Variants in NELL1 observed in about 807,000 individuals in gnomAD.
NELL1 encodes the protein neural EGFL like 1.
A neutral mutation model predicts 107.4 loss-of-function variants in NELL1; 76 were observed. The observed-to-expected ratio is 0.71, with a 90% CI of 0.59 to 0.86. NELL1 has a LOEUF of 0.86. Ranked by LOEUF, NELL1 falls within the 40% of genes least tolerant of loss-of-function variation. The probability of loss-of-function intolerance (pLI) is 0.00; values close to 1 mark genes in which losing one functional copy is unlikely to be tolerated. For missense variants in NELL1, 1,024 were observed against 1,005.5 expected (o/e 1.02, Z -0.25); for synonymous variants, 353 against 341.2 (o/e 1.03, Z -0.38).
At chr11:21,382,309 A>G (rs925424188) in intron 15 of NELL1, among the ~76,000 whole-genome samples, 1 of 151,968 alleles carries the variant, frequency 6.6e-6, no homozygotes, top group Non-Finnish European at 1.5e-5. Context: ...TTGCAAACAT[A>G]GTTTAGTACC....
chr11:20,850,016 AAG>A (rs1283905760), intron 4 of NELL1, among the ~76,000 whole-genome samples: 1 of 152,192 alleles, frequency 6.6e-6, no homozygotes, highest in African/African-American at 2.4e-5. Context: ...CTGGTTTAGA[AAG>A]AGGGGAAGGA....
At chr11:20,984,743 G>A (rs944386214) in intron 12 of NELL1, among the ~76,000 whole-genome samples, 7 of 151,846 alleles carry the variant, frequency 4.6e-5, no homozygotes, top group South Asian at 2.1e-4. Flanking sequence ...GAATCATATG[G>A]CACCTTAATG....
chr11:21,334,767 A>G (rs543642082), intron 14 of NELL1, among the ~76,000 whole-genome samples: 2 of 152,098 alleles, frequency 1.3e-5, no homozygotes, highest in South Asian at 4.1e-4. Flanking sequence ...AGTAACTGCA[A>G]TTGTGTAGAT....
At chr11:21,050,130 C>G (rs1027379175) in intron 12 of NELL1, among the ~76,000 whole-genome samples, 2 of 152,130 alleles carry the variant, frequency 1.3e-5, no homozygotes, top group African/African-American at 2.4e-5. Flanking sequence ...ATATAATTAT[C>G]TGCCTTTGTC....
intron 14 of NELL1, among the ~76,000 whole-genome samples, chr11:21,344,179 C>A (rs1850635271): frequency 6.6e-6 from 1 of 152,166 alleles, no homozygotes; most frequent in Non-Finnish European, 1.5e-5. Context: ...TTCCTTGAAA[C>A]CAGCCAGTGT....
chr11:20,872,973 C>T (rs1173606202), intron 4 of NELL1, among the ~76,000 whole-genome samples: 1 of 152,056 alleles, frequency 6.6e-6, no homozygotes, highest in Admixed American at 6.6e-5. Flanking sequence ...GATCAGAAGA[C>T]CTTCAATGTC....
At chr11:21,474,975 A>C (rs1854287345) in intron 15 of NELL1, among the ~76,000 whole-genome samples, 1 of 152,154 alleles carries the variant, frequency 6.6e-6, no homozygotes, top group African/African-American at 2.4e-5. Context: ...CAGAACTGGA[A>C]GGCATCTTAG....
In NELL1 at chr11:21,227,322, G is replaced by A. The variant is rs575280001; in HGVS notation, c.1427-2010G>A. Among the ~76,000 whole-genome samples, 21 of 152,090 alleles carry A rather than the reference G, an allele frequency of 1.4e-4. No homozygotes were observed. In the South Asian group the frequency reaches 4.4e-3, roughly 32 times the overall value. On this transcript the variant is annotated intron_variant, in intron 13 of 19. Transcript: ENST00000357134. ...TTATCCCAGTGTAATTATTAGTAGA[G>A]CACCCTTTCATTCTAAAATATGTTC...
intron 16 of NELL1, 134 bp downstream of exon 16, chr11:21,534,648 C>A: frequency 1.1e-6 from 1 of 940,184 alleles, no homozygotes; most frequent in Non-Finnish European, 1.6e-6. Context: ...TTCAAATTTT[C>A]TCCCTCTACA....
chr11:21,076,479 GA>G (rs1473778477), intron 12 of NELL1, among the ~76,000 whole-genome samples: 1 of 152,216 alleles, frequency 6.6e-6, no homozygotes, highest in African/African-American at 2.4e-5. Flanking sequence ...GTTAAAGAAG[GA>G]AGTTAAACTC....
intron 3 of NELL1, among the ~76,000 whole-genome samples, chr11:20,784,704 C>T (rs1295314464): frequency 6.6e-6 from 1 of 152,166 alleles, no homozygotes. Flanking sequence ...GTAACCTAAA[C>T]AATTTTATTT....
chr11:21,364,856 T>C (rs1040714759), intron 14 of NELL1, among the ~76,000 whole-genome samples: 2 of 152,218 alleles, frequency 1.3e-5, no homozygotes, highest in Admixed American at 1.3e-4. Context: ...GATTCTAAAA[T>C]GCTCCTGCTT....
At chr11:21,154,126 G>A (rs1856179012) in intron 13 of NELL1, among the ~76,000 whole-genome samples, 1 of 152,164 alleles carries the variant, frequency 6.6e-6, no homozygotes, top group African/African-American at 2.4e-5. Context: ...TGTGCTGAAA[G>A]GTTTGATTGA....
intron 2 of NELL1, among the ~76,000 whole-genome samples, chr11:20,733,579 G>A (rs923985922): frequency 6.6e-6 from 1 of 152,052 alleles, no homozygotes; most frequent in African/African-American, 2.4e-5. Context: ...TGGTAAGAGT[G>A]GTCCATATGT....
intron 2 of NELL1, among the ~76,000 whole-genome samples, chr11:20,755,355 C>A (rs1856236427): frequency 6.6e-6 from 1 of 152,146 alleles, no homozygotes; most frequent in South Asian, 2.1e-4. Context: ...TGCTCCTTCA[C>A]TGAATGTTAG....
chr11:21,112,043 T>G (rs1258986989), intron 12 of NELL1, among the ~76,000 whole-genome samples: 1 of 152,090 alleles, frequency 6.6e-6, no homozygotes, highest in Non-Finnish European at 1.5e-5. Context: ...GGTCTGACTG[T>G]AATAATTCCT....
intron 2 of NELL1, among the ~76,000 whole-genome samples, chr11:20,705,156 A>G (rs1854909996): frequency 6.6e-6 from 1 of 152,178 alleles, no homozygotes; most frequent in East Asian, 1.9e-4. Flanking sequence ...GAAATGGAAA[A>G]AACTACTTTA....
chr11:21,296,312 A>C (rs1849375455), intron 14 of NELL1, among the ~76,000 whole-genome samples: 1 of 151,884 alleles, frequency 6.6e-6, no homozygotes, highest in African/African-American at 2.4e-5. Context: ...AAGACCAAAA[A>C]ACCCCCTCTC....
chr11:21,076,182 G>A (rs375220375), intron 12 of NELL1, among the ~76,000 whole-genome samples: 2 of 152,206 alleles, frequency 1.3e-5, no homozygotes, highest in African/African-American at 4.8e-5. Flanking sequence ...CAGGCTCAAC[G>A]CCTTCAGTGT....
Sources: allele counts gnomAD v4.1 joint callset (sites outside exome capture counted in the v4.1 genomes callset), GRCh38; gene constraint gnomAD v4.1.1; transcripts MANE v1.5; gene names NCBI Gene and HGNC (gene_info 2026-07-23, HGNC 2026-07-21).